Variants in MED12L observed in about 807,000 individuals in gnomAD.
MED12L encodes mediator complex subunit 12L.
Under a neutral mutation model 281.3 loss-of-function variants are expected in MED12L, and 60 were observed. The ratio of observed to expected loss-of-function variants is 0.21; its 90% CI spans 0.17 to 0.26. MED12L has a LOEUF of 0.26. MED12L is among the 10% of genes least tolerant of loss of function. The pLI, the probability that MED12L is intolerant of heterozygous loss-of-function variation, is 1.00. For missense variants in MED12L, 2,146 were observed against 2,680.9 expected (o/e 0.80, Z 4.41); for synonymous variants, 974 against 987.2 (o/e 0.99, Z 0.25).
At position 151,350,224 on chromosome 3, in the gene MED12L, A is replaced by G. The variant is rs368042086; in HGVS notation, c.2398+18A>G. The G allele has an allele frequency of 5.0e-6, 8 of 1,609,788 alleles. No homozygotes were observed. Among genetic ancestry groups the G allele is most frequent in the Non-Finnish European group, 6.8e-6 (8 of 1,177,648 alleles). On this transcript the variant is annotated intron_variant, in intron 17 of 44. Transcript: ENST00000687756. ...GACAGGGGGTAAAGAACCTTAATGCATTTGCTCCCATTGTGTTGCCTTTTG... is the reference window on the plus strand; with the variant it reads ...GACAGGGGGTAAAGAACCTTAATGCGTTTGCTCCCATTGTGTTGCCTTTTG...
intron 29 of MED12L, 56 bp downstream of exon 29, chr3:151,376,930 C>T (rs886950734): frequency 2.1e-5 from 34 of 1,607,682 alleles, no homozygotes; most frequent in Non-Finnish European, 2.7e-5. Context: ...AGCAAAAACA[C>T]GTTGATGTTT....
intron 16 of MED12L, among the ~76,000 whole-genome samples, chr3:151,349,462 G>T (rs1752960397): frequency 6.6e-6 from 1 of 152,152 alleles, no homozygotes; most frequent in South Asian, 2.1e-4. Flanking sequence ...AATATATATA[G>T]TTTTGTAGAG....
At chr3:151,142,011 A>G (rs1717097068) in intron 5 of MED12L, among the ~76,000 whole-genome samples, 1 of 152,206 alleles carries the variant, frequency 6.6e-6, no homozygotes, top group Non-Finnish European at 1.5e-5. Flanking sequence ...CTTTATGGCT[A>G]TTGGTATATA....
At chr3:151,200,280 G>A (rs1178311381) in intron 16 of MED12L, among the ~76,000 whole-genome samples, 2 of 152,102 alleles carry the variant, frequency 1.3e-5, no homozygotes, top group East Asian at 3.9e-4. Flanking sequence ...GGCTCCCTTT[G>A]ACCTGGTCTA....
chr3:151,284,497 T>G (rs1450055589), intron 16 of MED12L, among the ~76,000 whole-genome samples: 1 of 152,254 alleles, frequency 6.6e-6, no homozygotes, highest in Non-Finnish European at 1.5e-5. Context: ...CATATCTTTA[T>G]AATTAATAAT....
chr3:151,396,228 G>A (rs1296167360), intron 39 of MED12L, among the ~76,000 whole-genome samples: 1 of 152,122 alleles, frequency 6.6e-6, no homozygotes, highest in Admixed American at 6.5e-5. Flanking sequence ...TTGGGAATCA[G>A]CAAAAATAGA....
At chr3:151,319,986 CTGAAA>C (rs1748803495) in intron 16 of MED12L, among the ~76,000 whole-genome samples, 1 of 152,166 alleles carries the variant, frequency 6.6e-6, no homozygotes, top group Non-Finnish European at 1.5e-5. Context: ...TTTCTCAGTC[CTGAAA>C]TGAACTCTTT....
intron 16 of MED12L, chr3:151,199,353 T>C: frequency 6.2e-7 from 1 of 1,612,714 alleles, no homozygotes; most frequent in South Asian, 1.1e-5. Context: ...TCCAGATCTT[T>C]ATAAACTGGG....
Position 151,170,077 on chromosome 3 carries a change from T to C in MED12L, c.1494+4095T>C, listed in dbSNP as rs561802633. Among the ~76,000 whole-genome samples the C allele has an allele frequency of 2.0e-5, 3 of 152,236 alleles. No homozygotes were observed. The East Asian group carries it at 5.8e-4, about 29-fold the overall frequency. On this transcript the variant is annotated intron_variant, in intron 11 of 44. Transcript: ENST00000687756. ...GGGAGAAGTTTGTGTGTGTAATCAG[T>C]TTCAGTATTGGTGAAAGCCTGTTGA... is the stretch of plus-strand genomic sequence containing the variant.
Position 151,411,294 on chromosome 3 carries a change from A to G in MED12L, c.5927A>G (p.Tyr1976Cys), listed in dbSNP as rs1200341956. 2.5e-6 allele frequency: 4 copies of G among 1,614,108 alleles called. No individual in the cohort carries two copies. Among genetic ancestry groups the G allele is most frequent in the African/African-American group, 2.7e-5 (2 of 74,936 alleles). The change falls in exon 41 of 45, where the codon TAT (tyrosine) becomes TGT (cysteine). Residue 1976 changes from tyrosine to cysteine, a missense_variant. This residue lies in a region of MED12L where 496 missense variants were observed against 512.0 expected (regional missense o/e 0.97). Coordinates refer to ENST00000687756, the MANE Select transcript of MED12L (RefSeq NM_001393769.1). ...TACCTGCAGACCATGCCACAGGGCT[A>G]TACAATGTATGGGACACAGATGCCT... Reference protein sequence around the residue: ...LQQAQTMPQGYTMYGTQMPLQ... With the variant: ...LQQAQTMPQGCTMYGTQMPLQ...
chr3:151,357,004 A>C (rs1754012239), intron 19 of MED12L, among the ~76,000 whole-genome samples: 1 of 152,174 alleles, frequency 6.6e-6, no homozygotes, highest in African/African-American at 2.4e-5. Flanking sequence ...TTATTTCAGC[A>C]CTGGGTACTT....
chr3:151,261,022 A>T (rs1181915454), intron 16 of MED12L, among the ~76,000 whole-genome samples: 1 of 152,058 alleles, frequency 6.6e-6, no homozygotes, highest in African/African-American at 2.4e-5. Context: ...GCATGGCCTG[A>T]GGATCCCTGT....
intron 1 of MED12L, 92 bp from the exon 2 acceptor site, chr3:151,086,706 A>T: frequency 2.5e-6 from 1 of 395,786 alleles, no homozygotes; most frequent in Non-Finnish European, 4.5e-6. Context: ...GCTCGAGCGC[A>T]GCCGAGTACC....
intron 16 of MED12L, among the ~76,000 whole-genome samples, chr3:151,233,147 C>CTGCAGATCTGGGTCATT (rs1732036641): frequency 6.6e-6 from 1 of 152,114 alleles, no homozygotes; most frequent in Non-Finnish European, 1.5e-5. Context: ...TCTCTAGTTT[C>CTGCAGATCTGGGTCATT]TGCAGATCTG....
intron 5 of MED12L, among the ~76,000 whole-genome samples, chr3:151,134,934 G>A (rs1715923256): frequency 1.5e-5 from 2 of 133,036 alleles, no homozygotes; most frequent in Non-Finnish European, 3.0e-5. Context: ...ATGATGAAAA[G>A]CCATGGAAGG....
intron 16 of MED12L, among the ~76,000 whole-genome samples, chr3:151,256,844 CAG>C (rs1308080611): frequency 1.5e-5 from 2 of 134,862 alleles, no homozygotes; most frequent in African/African-American, 2.7e-5. Flanking sequence ...TGGGAAATGA[CAG>C]AGGTTTTTTT....
intron 38 of MED12L, among the ~76,000 whole-genome samples, chr3:151,393,423 CAT>C (rs1190337095): frequency 1.3e-5 from 2 of 152,044 alleles, no homozygotes; most frequent in African/African-American, 2.4e-5. Flanking sequence ...ATTAAGTAAA[CAT>C]AGAGTAGAGG....
intron 16 of MED12L, chr3:151,294,276 T>G (rs1168128842): frequency 1.2e-6 from 2 of 1,613,888 alleles, no homozygotes; most frequent in Non-Finnish European, 1.7e-6. Flanking sequence ...TTGAACAGCC[T>G]TCTTGAAAAT....
Position 151,328,124 on chromosome 3 carries a change from C to T in MED12L, c.2251-21935C>T, listed in dbSNP as rs1025591839. 19 of 1,612,940 alleles carry T rather than the reference C, an allele frequency of 1.2e-5. No homozygotes were observed. Among genetic ancestry groups the T allele is most frequent in the Non-Finnish European group, 1.6e-5 (19 of 1,179,614 alleles). ...GAATATGTATATTAAGGGATCCATACAAATGTTAGTTGCTGCCAAAAAGAG... is the reference window on the plus strand; with the variant it reads ...GAATATGTATATTAAGGGATCCATATAAATGTTAGTTGCTGCCAAAAAGAG... On this transcript the variant is annotated intron_variant, in intron 16 of 44. Transcript: ENST00000687756.
Sources: allele counts gnomAD v4.1 joint callset (sites outside exome capture counted in the v4.1 genomes callset), GRCh38; gene constraint gnomAD v4.1.1; regional missense constraint gnomAD v4.1.1; transcripts MANE v1.5; gene names NCBI Gene and HGNC (gene_info 2026-07-23, HGNC 2026-07-21).